Variants in MTERF4 observed in about 807,000 individuals in gnomAD.
The protein encoded by MTERF4 is mitochondrial transcription termination factor 4.
Under a neutral mutation model 22.5 loss-of-function variants are expected in MTERF4, and 17 were observed. The observed-to-expected ratio is 0.75, with a 90% CI of 0.52 to 1.13. The LOEUF (loss-of-function observed/expected upper bound fraction) is 1.13, where lower values mean the gene tolerates loss of function less well. Ranked by LOEUF, MTERF4 falls within the 50% of genes most tolerant of loss-of-function variation. The probability of loss-of-function intolerance (pLI) is 0.00; values close to 1 mark genes in which losing one functional copy is unlikely to be tolerated. For missense variants in MTERF4, 420 were observed against 466.8 expected, an observed-to-expected ratio of 0.90 and a Z score of 0.92; for synonymous variants, 165 against 175.3, an observed-to-expected ratio of 0.94 and a Z score of 0.47.
chr2:241,057,340 T>C, the MTERF4 span, among the ~76,000 whole-genome samples: 186 of 146,816 alleles, frequency 1.3e-3, 2 homozygotes, highest in African/African-American at 4.5e-3. Context: ...GATTGCGCCA[T>C]TGCACTCCAG....
chr2:241,102,228 G>A (rs779314587), intron 1 of MTERF4, 25 bp downstream of exon 1: 5 of 1,548,496 alleles, frequency 3.2e-6, no homozygotes, highest in Non-Finnish European at 8.7e-7. Context: ...ACCCGGAGAA[G>A]CCCGCGCGCC....
chr2:241,082,802 TG>T (rs964460436), downstream of MTERF4, among the ~76,000 whole-genome samples: 2 of 152,196 alleles, frequency 1.3e-5, no homozygotes, highest in African/African-American at 4.8e-5. Flanking sequence ...AAATGGGCTG[TG>T]GAGGGAGAGA....
chr2:241,052,639 G>GGCCAAGCA, the MTERF4 span, among the ~76,000 whole-genome samples: 1 of 138,678 alleles, frequency 7.2e-6, no homozygotes, highest in African/African-American at 2.7e-5. Context: ...GAGGGCCGGG[G>GGCCAAGCA]GGCCAAGCAG....
downstream of MTERF4, chr2:241,090,157 A>C: frequency 6.8e-7 from 1 of 1,461,884 alleles, no homozygotes; most frequent in Non-Finnish European, 9.1e-7. Context: ...CACTGTACGG[A>C]TGTTCAAAAT....
chr2:241,064,761 C>T, the MTERF4 span: 7 of 968,430 alleles, frequency 7.2e-6, no homozygotes, highest in South Asian at 1.2e-4. The surrounding 1 kb of genome is among the most constrained non-coding windows in gnomAD (Gnocchi z 7.0). Context: ...AGGAGGGACC[C>T]AGTGCCCCAG....
At chr2:241,094,669 A>G, downstream of MTERF4, 1 of 319,776 alleles carries the variant, frequency 3.1e-6, no homozygotes, top group Non-Finnish European at 6.1e-6. The surrounding 1 kb of genome is among the most constrained non-coding windows in gnomAD (Gnocchi z 4.3). Context: ...TCTCAGGCTC[A>G]GCACTGACAT....
At chr2:241,069,417 A>G (rs576922005), downstream of MTERF4, among the ~76,000 whole-genome samples, 1 of 152,034 alleles carries the variant, frequency 6.6e-6, no homozygotes, top group African/African-American at 2.4e-5. This position sits in a 1 kb window ranked among gnomAD's most constrained non-coding sequence, Gnocchi z 4.9. Context: ...CCCCCTCCCC[A>G]GTGCATGGGA....
chr2:241,069,717 A>G (rs2062615813), downstream of MTERF4, among the ~76,000 whole-genome samples: 1 of 151,528 alleles, frequency 6.6e-6, no homozygotes, highest in Non-Finnish European at 1.5e-5. The surrounding 1 kb of genome is among the most constrained non-coding windows in gnomAD (Gnocchi z 4.9). Context: ...GAGGGTGGCA[A>G]CCAGGGGCCT....
At chr2:241,086,221 T>C (rs762457206), downstream of MTERF4, among the ~76,000 whole-genome samples, 3 of 152,226 alleles carry the variant, frequency 2.0e-5, no homozygotes, top group Non-Finnish European at 4.4e-5. Flanking sequence ...ACTCTGGCTC[T>C]GGAAATCGTT....
chr2:241,048,958 A>C, the MTERF4 span: 1 of 1,446,126 alleles, frequency 6.9e-7, no homozygotes, highest in Non-Finnish European at 9.5e-7. Flanking sequence ...CATCCTTGAC[A>C]AGGACTCGAG....
In MTERF4 at chr2:241,097,284, C is replaced by G. The variant is rs765632484; in HGVS notation, c.664G>C (p.Val222Leu). The change falls in exon 3 of 4, where the codon GTT (valine) becomes CTT (leucine). Residue 222 changes from valine to leucine, a missense_variant. Transcript: ENST00000391980. ...VTKILHSCPS[V>L]LREDLGQLEY... ...AGTTGACCCAGGTCCTCTCGAAGAA[C>G]AGAGGGGCAACTGTGCAAAATCTTG... The G allele has an allele frequency of 1.2e-6, 2 of 1,614,174 alleles. No homozygotes were observed. The highest frequency in any genetic ancestry group is 1.7e-6 in the Non-Finnish European group (2 of 1,180,020).
At chr2:241,069,675 G>A (rs1446041858), downstream of MTERF4, among the ~76,000 whole-genome samples, 1 of 151,754 alleles carries the variant, frequency 6.6e-6, no homozygotes, top group Non-Finnish European at 1.5e-5. This position sits in a 1 kb window ranked among gnomAD's most constrained non-coding sequence, Gnocchi z 4.9. Context: ...CCAGGGCCTG[G>A]GGGCTTCACA....
chr2:241,067,992 G>T (rs761029558), downstream of MTERF4: 37 of 1,551,160 alleles, frequency 2.4e-5, no homozygotes, highest in Non-Finnish European at 3.3e-5. Flanking sequence ...GAAGGCAGGG[G>T]TGGGGGCTCG....
chr2:241,050,701 T>C, the MTERF4 span, among the ~76,000 whole-genome samples: 4 of 152,202 alleles, frequency 2.6e-5, no homozygotes, highest in African/African-American at 9.6e-5. Flanking sequence ...TTGCAAGCTC[T>C]GACGAGGTCT....
At chr2:241,070,286 G>A, downstream of MTERF4, 1 of 1,373,986 alleles carries the variant, frequency 7.3e-7, no homozygotes, top group Non-Finnish European at 9.7e-7. Context: ...CCCTGCAGGG[G>A]CCTGGGATGC....
the MTERF4 span, among the ~76,000 whole-genome samples, chr2:241,050,540 G>A: frequency 1.3e-5 from 2 of 152,188 alleles, no homozygotes; most frequent in Admixed American, 6.5e-5. Flanking sequence ...GCCTGGACTG[G>A]TGTGGAGCCT....
exon 5 of MTERF4, chr2:241,072,973 G>A: frequency 2.2e-6 from 1 of 454,464 alleles, no homozygotes; most frequent in Non-Finnish European, 3.9e-6. Flanking sequence ...AACCGCATCA[G>A]CCGTGAGGAT....
the MTERF4 span, among the ~76,000 whole-genome samples, chr2:241,052,683 G>T: frequency 8.2e-3 from 344 of 42,142 alleles, 11 homozygotes; most frequent in East Asian, 0.06. Context: ...GCAGGTGAGA[G>T]GGTCGGCGGG....
At position 241,075,956 on chromosome 2, in the gene MTERF4, TGTCA is replaced by T. The variant is rs1413572420; in HGVS notation, n.480-278_480-275del. Among the ~76,000 whole-genome samples, 6 of 152,342 alleles carry T rather than the reference TGTCA, an allele frequency of 3.9e-5. No homozygotes were observed. Among genetic ancestry groups the T allele is most frequent in the East Asian group, 1.9e-4 (1 of 5,192 alleles). On this transcript the variant is annotated intron_variant and non_coding_transcript_variant, in intron 4 of 4. Transcript: ENST00000464344. The surrounding 1 kb of genome is among the most constrained non-coding windows in gnomAD (Gnocchi z 4.8). ...GCTAAAAAGTCCCTTTTTCCCCCAC[TGTCA>T]GTATCAAAATTCCACATATAAAAGT...
Sources: allele counts gnomAD v4.1 joint callset (sites outside exome capture counted in the v4.1 genomes callset), GRCh38; gene constraint gnomAD v4.1.1; non-coding constraint Gnocchi (gnomAD v3.1); transcripts MANE v1.5; gene names NCBI Gene and HGNC (gene_info 2026-07-23, HGNC 2026-07-21).